The following CNTN5 variants were observed in gnomAD, a reference collection of about 807,000 sequenced individuals.
CNTN5 encodes the protein contactin-5.
Under a neutral mutation model 129.1 loss-of-function variants are expected in CNTN5, and 77 were observed. The observed-to-expected ratio is 0.60, with a 90% CI of 0.50 to 0.72. CNTN5 has a LOEUF of 0.72. Ranked by LOEUF, CNTN5 falls within the 30% of genes least tolerant of loss-of-function variation. The pLI is 0.00. For missense variants in CNTN5, 1,478 were observed against 1,328.8 expected, an observed-to-expected ratio of 1.11 and a Z score of -1.75; for synonymous variants, 509 against 465.6, an observed-to-expected ratio of 1.09 and a Z score of -1.20.
chr11:100,286,890 C>A lies in CNTN5; in HGVS notation c.2315-10735C>A, dbSNP rs1950807725. ...TTAGAAGAATGTATAACTAGAATAACCAATACAGAGAAGTGCTTAAAGGAG... is the reference window on the plus strand; with the variant it reads ...TTAGAAGAATGTATAACTAGAATAAACAATACAGAGAAGTGCTTAAAGGAG... On this transcript the variant is annotated intron_variant, in intron 18 of 24. Coordinates refer to ENST00000524871, the MANE Select transcript of CNTN5 (RefSeq NM_014361.4). Among the ~76,000 whole-genome samples, 3 of 151,838 alleles carry A rather than the reference C, an allele frequency of 2.0e-5. No individual in the cohort carries two copies. The South Asian group carries it at 6.3e-4, about 32-fold the overall frequency.
chr11:99,801,929 G>T (rs1946126242), intron 3 of CNTN5, among the ~76,000 whole-genome samples: 1 of 152,090 alleles, frequency 6.6e-6, no homozygotes, highest in South Asian at 2.1e-4. Context: ...GCATGTGAAT[G>T]CCCCCAAAGC....
chr11:99,807,461 T>G (rs1946308255), intron 3 of CNTN5, among the ~76,000 whole-genome samples: 1 of 152,174 alleles, frequency 6.6e-6, no homozygotes, highest in African/African-American at 2.4e-5. Flanking sequence ...AATATATAAT[T>G]AATTAAATGC....
At chr11:99,741,384 A>ACC (rs1943884187) in intron 3 of CNTN5, among the ~76,000 whole-genome samples, 1 of 151,852 alleles carries the variant, frequency 6.6e-6, no homozygotes. Context: ...TGTTACTAAC[A>ACC]CCTCCTGTCT....
At chr11:99,665,306 TATTTAAGG>T (rs1565404438) in intron 3 of CNTN5, among the ~76,000 whole-genome samples, 1 of 151,982 alleles carries the variant, frequency 6.6e-6, no homozygotes, top group African/African-American at 2.4e-5. Context: ...AGCATCTACA[TATTTAAGG>T]AAAATGTCTG....
chr11:99,460,589 G>A (rs928862507), intron 2 of CNTN5, among the ~76,000 whole-genome samples: 1 of 151,866 alleles, frequency 6.6e-6, no homozygotes, highest in African/African-American at 2.4e-5. Flanking sequence ...TGAGAAAGAA[G>A]AATTAGAAGG....
At chr11:99,431,601 A>C (rs1943373631) in intron 2 of CNTN5, among the ~76,000 whole-genome samples, 1 of 152,214 alleles carries the variant, frequency 6.6e-6, no homozygotes, top group Admixed American at 6.5e-5. Context: ...GCTAGTACTA[A>C]GAACCAATAG....
intron 1 of CNTN5, among the ~76,000 whole-genome samples, chr11:99,208,379 C>G (rs575335011): frequency 6.6e-6 from 1 of 152,008 alleles, no homozygotes; most frequent in East Asian, 1.9e-4. Context: ...TAAAAAGTGC[C>G]CTGAGGTAAA....
chr11:99,271,484 C>T (rs1266287040), intron 1 of CNTN5, among the ~76,000 whole-genome samples: 4 of 151,734 alleles, frequency 2.6e-5, no homozygotes, highest in Non-Finnish European at 5.9e-5. Context: ...ATCATAATAA[C>T]ACTTGTATTA....
chr11:99,432,464 C>T (rs12360629), intron 2 of CNTN5, among the ~76,000 whole-genome samples: 15,364 of 116,294 alleles, frequency 0.13, 1,378 homozygotes, highest in Non-Finnish European at 0.18. Flanking sequence ...TCTTTTCTTT[C>T]CTTTTCTTTT....
chr11:100,239,813 T>C (rs929308222), intron 16 of CNTN5, among the ~76,000 whole-genome samples: 2 of 152,214 alleles, frequency 1.3e-5, no homozygotes, highest in Non-Finnish European at 2.9e-5. Flanking sequence ...GTAATTATAC[T>C]GAAGTGTCAG....
rs537689714 is a variant in CNTN5, at chr11:99,091,311, A to G, written c.-210+70041A>G. On this transcript the variant is annotated intron_variant, in intron 1 of 24. Transcript: ENST00000524871. ...AACTGCACACCTTGAATCCAGGTAG[A>G]CCTGGATTTGATTACTGGGGCTAAT... 2.2e-4 allele frequency among the ~76,000 whole-genome samples: 34 copies of G among 152,306 alleles called. No individual in the cohort carries two copies. The South Asian group carries it at 6.0e-3, about 27-fold the overall frequency.
At chr11:100,311,613 G>A (rs1951476304) in intron 21 of CNTN5, among the ~76,000 whole-genome samples, 1 of 151,978 alleles carries the variant, frequency 6.6e-6, no homozygotes, top group Admixed American at 6.6e-5. Context: ...AAGGAGAGGA[G>A]AGGGTCTGGC....
chr11:99,064,981 C>A (rs1393841601), intron 1 of CNTN5, among the ~76,000 whole-genome samples: 1 of 151,760 alleles, frequency 6.6e-6, no homozygotes, highest in Non-Finnish European at 1.5e-5. Context: ...TCTTTTTTAA[C>A]TTTTAATAAA....
At chr11:99,816,870 T>C (rs1425311166) in intron 3 of CNTN5, among the ~76,000 whole-genome samples, 1 of 152,170 alleles carries the variant, frequency 6.6e-6, no homozygotes, top group African/African-American at 2.4e-5. Flanking sequence ...CATGGTGCCT[T>C]TACTTTCAAG....
At chr11:100,171,114 CTT>C (rs1947813995) in intron 13 of CNTN5, among the ~76,000 whole-genome samples, 1 of 152,038 alleles carries the variant, frequency 6.6e-6, no homozygotes, top group Admixed American at 6.6e-5. Flanking sequence ...AAAAAAATAA[CTT>C]GAGCTAAATT....
rs61893125 is a variant in CNTN5 at position 99,273,127 on chromosome 11, A to G, written c.-209-52219A>G. Among the ~76,000 whole-genome samples the G allele has an allele frequency of 6.6e-3, 1,004 of 151,856 alleles. 2 individuals carry two copies. Among genetic ancestry groups the G allele is most frequent in the Non-Finnish European group, 0.011 (763 of 67,836 alleles). The stretch of plus-strand genomic sequence containing the variant: ...ATGAGTAAGGAAAACCACTAATTAG[A>G]TACGTAAATCCTAGAGTTATGAGGC... On this transcript the variant is annotated intron_variant, in intron 1 of 24. Transcript: ENST00000524871.
chr11:100,139,509 C>T (rs149791677), intron 13 of CNTN5, among the ~76,000 whole-genome samples: 1 of 152,160 alleles, frequency 6.6e-6, no homozygotes, highest in Non-Finnish European at 1.5e-5. Flanking sequence ...CAGTGGTAAC[C>T]TTGACAGGAG....
chr11:100,325,025 A>C (rs1199616696), intron 21 of CNTN5, among the ~76,000 whole-genome samples: 1 of 152,164 alleles, frequency 6.6e-6, no homozygotes. Context: ...AACTATATCT[A>C]GTACTAAATT....
At position 100,333,408 on chromosome 11, in the gene CNTN5, G is replaced by GAAAAAAA. The variant is rs547220238; in HGVS notation, c.2731-7037_2731-7031dup. On this transcript the variant is annotated intron_variant, in intron 21 of 24. Transcript: ENST00000524871. ...ACCACCATCATTCTTCACTGAATTAGAAAAAAAAAAAAAAAAAAAAAAAAC... is the reference window on the plus strand; with the variant it reads ...ACCACCATCATTCTTCACTGAATTAGAAAAAAAAAAAAAAAAAAAAAAAAAAAAAAAC... 5.3e-4 allele frequency among the ~76,000 whole-genome samples: 39 copies of GAAAAAAA among 74,278 alleles called. 1 individual carries two copies. Among genetic ancestry groups the GAAAAAAA allele is most frequent in the African/African-American group, 1.5e-3 (27 of 18,608 alleles). The allele number at this position is 74,278 out of a possible 152,430, so 48.7% of individuals were successfully genotyped here. A position where few individuals can be genotyped will look rare whatever the true frequency, so the allele number is the denominator to read the frequency against.
Sources: allele counts gnomAD v4.1 joint callset (sites outside exome capture counted in the v4.1 genomes callset), GRCh38; gene constraint gnomAD v4.1.1; transcripts MANE v1.5; gene names NCBI Gene and HGNC (gene_info 2026-07-23, HGNC 2026-07-21).